Variants in ANOS1 observed in about 807,000 individuals in gnomAD.
The protein encoded by ANOS1 is anosmin-1.
A neutral mutation model predicts 59.0 loss-of-function variants in ANOS1; 6 were observed. The ratio of observed to expected loss-of-function variants is 0.10; its 90% CI spans 0.06 to 0.20. The LOEUF (loss-of-function observed/expected upper bound fraction) is 0.20. Among genes scored for constraint, ANOS1 ranks in the 10% least tolerant of loss-of-function variants. The probability of loss-of-function intolerance (pLI) is 1.00; values close to 1 mark genes in which losing one functional copy is unlikely to be tolerated. For missense variants in ANOS1, 433 were observed against 542.3 expected (o/e 0.80, Z 2.00); for synonymous variants, 217 against 223.4 (o/e 0.97, Z 0.25).
intron 2 of ANOS1, among the ~76,000 whole-genome samples, chrX:8,635,795 A>G (rs1212379671): frequency 8.9e-6 from 1 of 111,886 alleles, no homozygotes; most frequent in Admixed American, 9.5e-5. Flanking sequence ...CAGACTATCA[A>G]ATCCATCGCT....
intron 8 of ANOS1, among the ~76,000 whole-genome samples, chrX:8,562,912 AC>A (rs1930055315): frequency 8.9e-6 from 1 of 112,603 alleles, no homozygotes; most frequent in Non-Finnish European, 1.9e-5. Context: ...AGTGACATTT[AC>A]TACTCTCCTT....
intron 4 of ANOS1, among the ~76,000 whole-genome samples, chrX:8,590,274 A>G (rs1930593606): frequency 8.9e-6 from 1 of 111,826 alleles, no homozygotes; most frequent in South Asian, 3.7e-4. Context: ...CACAGATATT[A>G]TCTTTAAACC....
In ANOS1 at chrX:8,560,729, C is replaced by T. The variant is rs139740076; in HGVS notation, c.1208-6631G>A. Among the ~76,000 whole-genome samples, 65 of 112,268 alleles carry T rather than the reference C, an allele frequency of 5.8e-4. 2 individuals are homozygous for T. The East Asian group carries it at 0.017, about 29-fold the overall frequency. On this transcript the variant is annotated intron_variant, in intron 8 of 13. Transcript: ENST00000262648. ...TGAAGGTGAAATTTAATCCCAGGGC[C>T]ATCCCATGCCAAACTTCTGTTTCCA...
At position 8,699,770 on chromosome X, in the gene ANOS1, T is replaced by C. The variant is rs767923711; in HGVS notation, c.208-25A>G. On this transcript the variant is annotated intron_variant, in intron 1 of 13. Transcript: ENST00000262648. ...TCTGCAAAAAGAAAAAGGAAAAATA[T>C]TGATCCATTAGAAAGCTACACATAC... 5.3e-6 allele frequency: 6 copies of C among 1,130,013 alleles called. No homozygotes were observed. The East Asian group carries it at 9.3e-5, about 18-fold the overall frequency. 93.1% of individuals were successfully genotyped at this position (1,130,013 alleles called of 1,213,427 possible).
At chrX:8,619,429 C>A (rs1330226049) in intron 3 of ANOS1, among the ~76,000 whole-genome samples, 1 of 110,755 alleles carries the variant, frequency 9.0e-6, no homozygotes, top group African/African-American at 3.3e-5. Flanking sequence ...CATGGTGAAA[C>A]CCCGTCTCTA....
At chrX:8,586,907 ATTC>A (rs1370872833) in intron 5 of ANOS1, among the ~76,000 whole-genome samples, 1 of 107,079 alleles carries the variant, frequency 9.3e-6, no homozygotes, top group African/African-American at 3.4e-5. Flanking sequence ...TTTAGAAGAT[ATTC>A]TTCTTCCAAA....
chrX:8,682,460 G>C (rs1932441169), intron 2 of ANOS1, among the ~76,000 whole-genome samples: 1 of 110,913 alleles, frequency 9.0e-6, no homozygotes, highest in Admixed American at 9.6e-5. Flanking sequence ...CTATATGGCT[G>C]TTCAAGACCC....
chrX:8,600,469 C>T (rs992093594), intron 3 of ANOS1, among the ~76,000 whole-genome samples: 3 of 111,939 alleles, frequency 2.7e-5, no homozygotes, highest in South Asian at 3.7e-4. Context: ...ATACATAAAA[C>T]GTGAAAATAA....
intron 2 of ANOS1, among the ~76,000 whole-genome samples, chrX:8,629,750 A>G (rs1363060846): frequency 1.8e-5 from 2 of 112,208 alleles, no homozygotes; most frequent in Non-Finnish European, 3.8e-5. Flanking sequence ...CACTTTCATA[A>G]AAGGACAGCA....
chrX:8,621,160 GT>G (rs968417606), intron 3 of ANOS1, among the ~76,000 whole-genome samples: 1 of 110,809 alleles, frequency 9.0e-6, no homozygotes, highest in Non-Finnish European at 1.9e-5. Flanking sequence ...GAGGCCAAGA[GT>G]TTGAGAGCTG....
In ANOS1 at chrX:8,547,464, C is replaced by T. The variant is rs191737770; in HGVS notation, c.1354+6488G>A. On this transcript the variant is annotated intron_variant, in intron 9 of 13. Transcript: ENST00000262648. ...TCTGTGAAAATTCCTCTGCACACAA[C>T]GTCAAAATCTCTCTGCTCTCAACTA... Among the ~76,000 whole-genome samples the T allele has an allele frequency of 2.2e-3, 245 of 112,044 alleles. 1 individual carries two copies. The highest frequency in any genetic ancestry group is 3.8e-3 in the Non-Finnish European group (205 of 53,258).
At chrX:8,677,538 A>G (rs1366517364) in intron 2 of ANOS1, among the ~76,000 whole-genome samples, 1 of 111,762 alleles carries the variant, frequency 8.9e-6, no homozygotes, top group Non-Finnish European at 1.9e-5. Context: ...GCATGACTGT[A>G]TCAGAACATC....
chrX:8,707,295 T>C (rs1932785170), intron 1 of ANOS1, among the ~76,000 whole-genome samples: 1 of 111,477 alleles, frequency 9.0e-6, no homozygotes, highest in Non-Finnish European at 1.9e-5. Flanking sequence ...TACAAAGGAA[T>C]TTAAGCTTTA....
intron 10 of ANOS1, among the ~76,000 whole-genome samples, chrX:8,538,543 G>C (rs1286302913): frequency 2.7e-5 from 3 of 111,481 alleles, no homozygotes; most frequent in Non-Finnish European, 5.6e-5. Context: ...ATTGACATAA[G>C]CCCAGTTCTG....
intron 5 of ANOS1, among the ~76,000 whole-genome samples, chrX:8,585,865 T>G (rs867244299): frequency 6.3e-5 from 7 of 111,905 alleles, no homozygotes; most frequent in Middle Eastern, 9.2e-3. Context: ...CCCAAGCCAC[T>G]GTTTAAAAAT....
At chrX:8,573,114 C>T (rs907517656) in intron 6 of ANOS1, among the ~76,000 whole-genome samples, 15 of 99,937 alleles carry the variant, frequency 1.5e-4, no homozygotes, top group Non-Finnish European at 2.8e-4. Context: ...GGCTGGAGTG[C>T]AATGGTGTGA....
At chrX:8,596,488 G>C (rs1337867023) in intron 4 of ANOS1, among the ~76,000 whole-genome samples, 1 of 111,865 alleles carries the variant, frequency 8.9e-6, no homozygotes, top group Admixed American at 9.5e-5. Context: ...ATAAACTATT[G>C]CATTTGCTAA....
At chrX:8,677,030 T>C (rs1373355106) in intron 2 of ANOS1, among the ~76,000 whole-genome samples, 4 of 112,062 alleles carry the variant, frequency 3.6e-5, no homozygotes. Flanking sequence ...TAGAACCAAA[T>C]GTCAGCAGTG....
intron 6 of ANOS1, among the ~76,000 whole-genome samples, chrX:8,571,965 C>A (rs1016056139): frequency 1.8e-5 from 2 of 111,787 alleles, no homozygotes; most frequent in Non-Finnish European, 3.8e-5. Flanking sequence ...ATGATGGAAA[C>A]ATAACTTATT....
Sources: gnomAD v4.1 joint callset for allele counts (sites outside exome capture counted in the v4.1 genomes callset) on GRCh38, gnomAD v4.1.1 for gene constraint, MANE v1.5 for transcripts, NCBI Gene and HGNC (gene_info 2026-07-23, HGNC 2026-07-21) for gene names.